Variants in SRPK1 observed in about 807,000 individuals in gnomAD.
The protein encoded by SRPK1 is SRSF protein kinase 1.
In SRPK1, 52 loss-of-function variants were observed where a neutral mutation model predicts 89.5. The observed-to-expected ratio is 0.58, with a 90% confidence interval of 0.46 to 0.73. The LOEUF (loss-of-function observed/expected upper bound fraction) is 0.73. SRPK1 is among the 30% of genes least tolerant of loss of function. The pLI, the probability that SRPK1 is intolerant of heterozygous loss-of-function variation, is 0.00. For synonymous variants in SRPK1, 255 were observed against 270.2 expected, an observed-to-expected ratio of 0.94 and a Z score of 0.55; for missense variants, 603 against 780.6, an observed-to-expected ratio of 0.77 and a Z score of 2.71.
chr6:35,910,485 C>T lies in SRPK1; in HGVS notation c.74+9983G>A, dbSNP rs182438419. Among the ~76,000 whole-genome samples the T allele has an allele frequency of 2.0e-5, 3 of 152,280 alleles. No individual in the cohort carries two copies. In the East Asian group the frequency reaches 5.8e-4, roughly 29 times the overall value. On this transcript the variant is annotated intron_variant, in intron 2 of 15. Transcript: ENST00000373825. ...GAAGTTTACAGAAAGAAGCCATCCC[C>T]ATAACATAAAAGTGCAAGGTAAAGC...
chr6:35,860,016 G>A (rs138925244), intron 12 of SRPK1, among the ~76,000 whole-genome samples: 1,850 of 151,918 alleles, frequency 0.012, 35 homozygotes, highest in African/African-American at 0.043. Context: ...CTGCCACAAC[G>A]CCTGGCTAAT....
chr6:35,912,696 G>A (rs1299856053), intron 2 of SRPK1, among the ~76,000 whole-genome samples: 1 of 152,176 alleles, frequency 6.6e-6, no homozygotes, highest in Non-Finnish European at 1.5e-5. Context: ...TGGAGAGCAT[G>A]AGCAAAAGAG....
At chr6:35,887,263 T>C (rs1332096117) in intron 5 of SRPK1, among the ~76,000 whole-genome samples, 1 of 152,140 alleles carries the variant, frequency 6.6e-6, no homozygotes, top group Non-Finnish European at 1.5e-5. Flanking sequence ...AAACGGACAT[T>C]CTGAAAAGTA....
intron 6 of SRPK1, among the ~76,000 whole-genome samples, chr6:35,884,102 A>G (rs1770354303): frequency 6.6e-6 from 1 of 152,204 alleles, no homozygotes; most frequent in African/African-American, 2.4e-5. Context: ...GGCTGAAAAT[A>G]AAAGGCTTAT....
chr6:35,914,939 C>T (rs965797884), intron 2 of SRPK1, among the ~76,000 whole-genome samples: 1 of 152,088 alleles, frequency 6.6e-6, no homozygotes, highest in Non-Finnish European at 1.5e-5. Context: ...GCTGGGATTA[C>T]AGGCACCTGC....
chr6:35,850,939 G>C (rs748997506), intron 13 of SRPK1, among the ~76,000 whole-genome samples: 1 of 152,158 alleles, frequency 6.6e-6, no homozygotes, highest in Non-Finnish European at 1.5e-5. Context: ...CACAAGACTA[G>C]GGAAAGAAAA....
At chr6:35,889,326 A>G (rs1464985918) in intron 3 of SRPK1, among the ~76,000 whole-genome samples, 1 of 151,862 alleles carries the variant, frequency 6.6e-6, no homozygotes, top group Admixed American at 6.6e-5. Flanking sequence ...AAAGCAAGTA[A>G]GCAAACGGGA....
intron 8 of SRPK1, among the ~76,000 whole-genome samples, chr6:35,872,266 T>C (rs568302496): frequency 6.6e-6 from 1 of 152,332 alleles, no homozygotes; most frequent in South Asian, 2.1e-4. Flanking sequence ...GTCCTATAAA[T>C]GAGCATGTGT....
At chr6:35,843,334 CA>C (rs113392736) in intron 13 of SRPK1, among the ~76,000 whole-genome samples, 12,696 of 70,984 alleles carry the variant, frequency 0.18, 1,298 homozygotes, top group African/African-American at 0.4. Flanking sequence ...CAAAAAAAAT[CA>C]AAAAAAAAAA....
intron 2 of SRPK1, among the ~76,000 whole-genome samples, chr6:35,911,573 T>C (rs1213843006): frequency 6.6e-6 from 1 of 151,910 alleles, no homozygotes; most frequent in Non-Finnish European, 1.5e-5. Flanking sequence ...GTTTATTAAT[T>C]AATTTTTTTA....
chr6:35,909,606 T>C (rs1347362322), intron 2 of SRPK1, among the ~76,000 whole-genome samples: 5 of 152,206 alleles, frequency 3.3e-5, no homozygotes, highest in Non-Finnish European at 5.9e-5. Context: ...AATAATACAG[T>C]TTGGCTCTGT....
chr6:35,870,588 A>C, intron 9 of SRPK1, 94 bp from the exon 10 acceptor site: 1 of 1,173,110 alleles, frequency 8.5e-7, no homozygotes, highest in South Asian at 1.6e-5. Context: ...TTCCTAATTA[A>C]ATTTCACAAA....
At chr6:35,857,097 GT>G (rs1033528546) in intron 13 of SRPK1, 163 bp downstream of exon 13, 5 of 542,790 alleles carry the variant, frequency 9.2e-6, no homozygotes, top group African/African-American at 5.7e-5. Context: ...TGCCAGACAG[GT>G]TTTTGAATTC....
At position 35,885,298 on chromosome 6, in the gene SRPK1, CAGAGAGAGAG is replaced by C. The variant is rs138504486; in HGVS notation, c.478+1416_478+1425del. ...ACACACACACACACACACACACACA[CAGAGAGAGAG>C]AGAGAGAGAGAGAGAGAGAGAGCCA... On this transcript the variant is annotated intron_variant, in intron 6 of 15. Coordinates refer to ENST00000373825, the MANE Select transcript of SRPK1 (RefSeq NM_003137.5). 2.4e-3 allele frequency among the ~76,000 whole-genome samples: 273 copies of C among 113,170 alleles called. 1 individual carries two copies. The highest frequency in any genetic ancestry group is 3.1e-3 in the Non-Finnish European group (169 of 55,252). The allele number at this position is 113,170 out of a possible 152,430, so 74.2% of individuals were successfully genotyped here.
chr6:35,888,253 AT>A (rs1166335959), intron 4 of SRPK1, 142 bp from the exon 5 acceptor site: 3 of 481,390 alleles, frequency 6.2e-6, no homozygotes. Context: ...CTATGGGAAC[AT>A]TTATACTTGT....
chr6:35,859,901 C>T (rs1769744726), intron 12 of SRPK1, among the ~76,000 whole-genome samples: 2 of 151,696 alleles, frequency 1.3e-5, no homozygotes, highest in Admixed American at 6.6e-5. Context: ...CTCTGTCACC[C>T]AGGCTGGAGT....
At chr6:35,919,974 C>A (rs1004204424) in intron 2 of SRPK1, 2 of 421,672 alleles carry the variant, frequency 4.7e-6, no homozygotes, top group Non-Finnish European at 9.4e-6. Context: ...AGGGAAAAGC[C>A]CCATGCCCTC....
intron 13 of SRPK1, among the ~76,000 whole-genome samples, chr6:35,852,690 G>A (rs1002994726): frequency 4.6e-5 from 7 of 152,178 alleles, no homozygotes; most frequent in South Asian, 2.1e-4. Context: ...GATGGAGAAA[G>A]AGCTCTTGGG....
intron 15 of SRPK1, among the ~76,000 whole-genome samples, chr6:35,837,890 C>T (rs1459699545): frequency 4.1e-5 from 6 of 145,404 alleles, no homozygotes; most frequent in Non-Finnish European, 1.5e-5. Flanking sequence ...TTTTGTGAGA[C>T]AGAGTTTCAC....
Sources: gnomAD v4.1 joint callset for allele counts (sites outside exome capture counted in the v4.1 genomes callset) on GRCh38, gnomAD v4.1.1 for gene constraint, MANE v1.5 for transcripts, NCBI Gene and HGNC (gene_info 2026-07-23, HGNC 2026-07-21) for gene names.